Variants in ICAM2 observed in about 807,000 individuals in gnomAD.
ICAM2 encodes the protein intercellular adhesion molecule 2, also known as ICAM-2.
Under a neutral mutation model 19.1 loss-of-function variants are expected in ICAM2, and 14 were observed. The ratio of observed to expected loss-of-function variants is 0.73; its 90% CI spans 0.48 to 1.15. The LOEUF (loss-of-function observed/expected upper bound fraction) is 1.15. Among genes scored for constraint, ICAM2 ranks in the 50% most tolerant of loss-of-function variants. The pLI is 0.00. For missense variants in ICAM2, 311 were observed against 355.4 expected, an observed-to-expected ratio of 0.88 and a Z score of 1.00; for synonymous variants, 153 against 152.7, an observed-to-expected ratio of 1.00 and a Z score of -0.01.
rs576374059 is a variant in ICAM2 at position 64,006,514 on chromosome 17, C to A, written c.61+117G>T. 11 of 825,056 alleles carry A rather than the reference C, an allele frequency of 1.3e-5. No individual in the cohort carries two copies. In the East Asian group the frequency reaches 2.4e-4, roughly 18 times the overall value. 51.1% of individuals were successfully genotyped at this position (825,056 alleles called of 1,614,324 possible). On this transcript the variant is annotated intron_variant, in intron 2 of 4. Transcript: ENST00000579788. ...CCTGTCTTAAAACAAAACAAAAAAA[C>A]CTAAGAACCTCAGCAACTTTTGGGA...
chr17:64,014,376 AAAGGAAGGAAGGAAGGAAGG>A (rs1168049231), intron 1 of ICAM2, among the ~76,000 whole-genome samples: 1 of 55,344 alleles, frequency 1.8e-5, no homozygotes, highest in African/African-American at 6.1e-5. Flanking sequence ...AGAAAGAAAG[AAAGGAAGGAAGGAAGGAAGG>A]AAGGAAGGAA....
intron 1 of ICAM2, among the ~76,000 whole-genome samples, chr17:64,011,402 C>T (rs1024074343): frequency 2.0e-5 from 3 of 151,926 alleles, no homozygotes; most frequent in Non-Finnish European, 2.9e-5. Flanking sequence ...GCAGAGGTTG[C>T]GGTGAGCCGA....
At chr17:64,010,022 A>G (rs1175863396) in intron 1 of ICAM2, among the ~76,000 whole-genome samples, 1 of 152,144 alleles carries the variant, frequency 6.6e-6, no homozygotes. Flanking sequence ...TACCTCGACC[A>G]GTCATTGACC....
intron 1 of ICAM2, among the ~76,000 whole-genome samples, chr17:64,008,617 T>C (rs1288637547): frequency 6.6e-6 from 1 of 151,808 alleles, no homozygotes; most frequent in Non-Finnish European, 1.5e-5. Context: ...CTAGAAAAAA[T>C]GAAGTCACCA....
At chr17:64,005,674 G>C (rs1312584397) in intron 2 of ICAM2, among the ~76,000 whole-genome samples, 1 of 152,090 alleles carries the variant, frequency 6.6e-6, no homozygotes, top group Non-Finnish European at 1.5e-5. Context: ...TCCTCAGGCT[G>C]TGCTCCAACT....
In ICAM2 at chr17:64,014,466, GGGAA is replaced by G. The variant is rs764042030; in HGVS notation, c.-45+6053_-45+6056del. ...GAGAGAGAGAGAAGGAGAGAGAGAG[GGGAA>G]GGAAGGAAGGAAGAAAGAAAGAAAG... On this transcript the variant is annotated intron_variant, in intron 1 of 4. Transcript: ENST00000579788. Among the ~76,000 whole-genome samples the G allele has an allele frequency of 4.9e-3, 577 of 117,072 alleles. 6 individuals are homozygous for G. The highest frequency in any genetic ancestry group is 6.6e-3 in the Non-Finnish European group (381 of 57,872). 76.8% of individuals were successfully genotyped at this position (117,072 alleles called of 152,430 possible). A position where few individuals can be genotyped will look rare whatever the true frequency, so the allele number is the denominator to read the frequency against.
At chr17:64,010,685 T>G (rs1214658593) in intron 1 of ICAM2, among the ~76,000 whole-genome samples, 3 of 151,592 alleles carry the variant, frequency 2.0e-5, no homozygotes, top group Non-Finnish European at 4.4e-5. Context: ...GAAGAAAAAA[T>G]GATTACAGAA....
intron 2 of ICAM2, 46 bp downstream of exon 2, chr17:64,006,585 C>G (rs746362167): frequency 6.4e-7 from 1 of 1,567,408 alleles, no homozygotes; most frequent in Non-Finnish European, 8.8e-7. Flanking sequence ...CCCCCACCCT[C>G]TCGGCTGGCA....
intron 1 of ICAM2, among the ~76,000 whole-genome samples, chr17:64,014,300 C>T (rs1911565495): frequency 1.3e-5 from 1 of 76,844 alleles, no homozygotes. Flanking sequence ...ATGGTAAGAT[C>T]ACATCTGAAA....
chr17:64,002,717 C>A lies in ICAM2; in HGVS notation c.*30G>T. On this transcript the variant is annotated 3_prime_UTR_variant, in exon 5 of 5. Coordinates refer to ENST00000579788, the MANE Select transcript of ICAM2 (RefSeq NM_001099789.2). ...GAGTCACACTGAGTTCCAGTGACCA[C>A]CGTGGTGGTGGCCATGCCACTCATG... 6.3e-7 allele frequency: 1 copy of A among 1,599,874 alleles called. No individual in the cohort carries two copies.
chr17:64,008,663 G>T (rs9891300), intron 1 of ICAM2, among the ~76,000 whole-genome samples: 1 of 152,120 alleles, frequency 6.6e-6, no homozygotes, highest in Non-Finnish European at 1.5e-5. Flanking sequence ...GTTGAAGCCC[G>T]CCCGAGCAGG....
At position 64,014,699 on chromosome 17, in the gene ICAM2, AAGGAAGGAAGGAAGGAAGG is replaced by A. The variant is rs1911634002; in HGVS notation, c.-45+5805_-45+5823del. Among the ~76,000 whole-genome samples, 8 of 24,812 alleles carry A rather than the reference AAGGAAGGAAGGAAGGAAGG, an allele frequency of 3.2e-4. No homozygotes were observed. In the Admixed American group the frequency reaches 3.4e-3, roughly 11 times the overall value. The allele number at this position is 24,812 out of a possible 152,430, so 16.3% of individuals were successfully genotyped here. On this transcript the variant is annotated intron_variant, in intron 1 of 4. Coordinates refer to ENST00000579788, the MANE Select transcript of ICAM2 (RefSeq NM_001099789.2). ...AAAGAAAGGAAGGAAGGAAGGAAGG[AAGGAAGGAAGGAAGGAAGG>A]AAGGAAGAAAGAAAGAAAGAAAGAA... is the stretch of plus-strand genomic sequence containing the variant.
At chr17:64,009,416 C>T (rs1478764438) in intron 1 of ICAM2, among the ~76,000 whole-genome samples, 1 of 152,038 alleles carries the variant, frequency 6.6e-6, no homozygotes, top group Non-Finnish European at 1.5e-5. Context: ...TACCTTACTC[C>T]TTGAGGATGG....
At chr17:64,007,029 G>A (rs759574592) in intron 1 of ICAM2, 2 of 274,440 alleles carry the variant, frequency 7.3e-6, no homozygotes, top group Non-Finnish European at 1.4e-5. Context: ...AGGCCTACAA[G>A]CCCCAGATCT....
Position 64,005,324 on chromosome 17 carries a change from C to A in ICAM2, c.111G>T (p.Ala37=). The part of the protein sequence containing the change: ...FEVHVRPKKL[A]VEPKGSLEVN... ...CCTCGAGGGACCCTTTGGGCTCAAC[C>A]GCCAGCTTCTTTGGCCTCACGTGTA... Residue 37 remains alanine, a synonymous_variant, in exon 3 of 5, where the codon GCG becomes GCT. Coordinates refer to ENST00000579788, the MANE Select transcript of ICAM2 (RefSeq NM_001099789.2). 6.2e-7 allele frequency: 1 copy of A among 1,614,110 alleles called. No homozygotes were observed. The highest frequency in any genetic ancestry group is 1.3e-5 in the African/African-American group (1 of 75,040).
chr17:64,010,735 A>C (rs368593351), intron 1 of ICAM2, among the ~76,000 whole-genome samples: 3 of 152,332 alleles, frequency 2.0e-5, no homozygotes, highest in Admixed American at 6.5e-5. Context: ...ATAAAATGGC[A>C]AATGAGTACA....
At chr17:64,004,114 G>T in intron 3 of ICAM2, 150 bp from the exon 4 acceptor site, 1 of 610,786 alleles carries the variant, frequency 1.6e-6, no homozygotes, top group Non-Finnish European at 2.9e-6. Context: ...GAAGAGGGCA[G>T]CAGTTGAGGA....
intron 2 of ICAM2, chr17:64,006,336 C>T (rs985768053): frequency 9.3e-6 from 3 of 323,892 alleles, no homozygotes; most frequent in Admixed American, 4.7e-5. Context: ...CCTGCCATCT[C>T]TACAAAAAAT....
chr17:64,006,364 ATGG>A (rs1911207732), intron 2 of ICAM2: 1 of 406,562 alleles, frequency 2.5e-6, no homozygotes, highest in Non-Finnish European at 4.4e-6. Flanking sequence ...TTAGCTGGGC[ATGG>A]TGGCTCTCAC....
Sources: gnomAD v4.1 joint callset for allele counts (sites outside exome capture counted in the v4.1 genomes callset) on GRCh38, gnomAD v4.1.1 for gene constraint, MANE v1.5 for transcripts, NCBI Gene and HGNC (gene_info 2026-07-23, HGNC 2026-07-21) for gene names.